SLC4A10: variants seen among roughly 807,000 people sequenced by gnomAD.
SLC4A10 encodes sodium-driven chloride bicarbonate exchanger.
SLC4A10 carries 42 observed loss-of-function variants against 137.7 expected under a neutral mutation model. That is an observed-to-expected ratio of 0.30 (90% CI 0.24 to 0.39). SLC4A10 has a LOEUF of 0.39. SLC4A10 is among the 10% of genes least tolerant of loss of function. SLC4A10 has a pLI of 1.00. For synonymous variants in SLC4A10, 474 were observed against 464.1 expected, an observed-to-expected ratio of 1.02 and a Z score of -0.27; for missense variants, 925 against 1,355.0, an observed-to-expected ratio of 0.68 and a Z score of 4.98.
At chr2:161,720,053 T>C (rs1014921088) in intron 1 of SLC4A10, among the ~76,000 whole-genome samples, 60 of 152,210 alleles carry the variant, frequency 3.9e-4, no homozygotes, top group African/African-American at 1.4e-3. Context: ...CTTTAATCCA[T>C]CTTGAATTAA....
intron 15 of SLC4A10, among the ~76,000 whole-genome samples, chr2:161,940,398 T>C (rs376109843): frequency 6.6e-6 from 1 of 152,124 alleles, no homozygotes; most frequent in African/African-American, 2.4e-5. Context: ...ACTGGTAGGG[T>C]GGAGGTTCAA....
chr2:161,953,096 G>A (rs1411391321), intron 19 of SLC4A10, among the ~76,000 whole-genome samples: 4 of 152,186 alleles, frequency 2.6e-5, no homozygotes, highest in African/African-American at 4.8e-5. Context: ...AGCATTCCCC[G>A]AAATTGTTTA....
Position 161,734,764 on chromosome 2 carries a change from G to A in SLC4A10, c.49-36209G>A, listed in dbSNP as rs144311433. On this transcript the variant is annotated intron_variant, in intron 1 of 26. Coordinates refer to ENST00000446997, the MANE Select transcript of SLC4A10 (RefSeq NM_001178015.2). Reference sequence around the variant, plus strand: ...ATATATATTTTTTTTCTGATATTTGGTAGTTTTAATTACATATTGATATTG... The same window carrying A: ...ATATATATTTTTTTTCTGATATTTGATAGTTTTAATTACATATTGATATTG... Among the ~76,000 whole-genome samples the A allele has an allele frequency of 1.1e-4, 17 of 151,508 alleles. No homozygotes were observed. The East Asian group carries it at 3.3e-3, about 29-fold the overall frequency.
chr2:161,822,074 A>G (rs1399288624), intron 3 of SLC4A10, among the ~76,000 whole-genome samples: 1 of 152,192 alleles, frequency 6.6e-6, no homozygotes, highest in Admixed American at 6.5e-5. Flanking sequence ...CTTATTCATA[A>G]CTGTGAGGGT....
intron 5 of SLC4A10, 131 bp from the exon 6 acceptor site, chr2:161,862,743 T>G: frequency 1.5e-6 from 1 of 661,680 alleles, no homozygotes; most frequent in Non-Finnish European, 2.2e-6. Context: ...TAGAGATTTT[T>G]TAAAGAAGTT....
chr2:161,805,277 A>G (rs1365556147), intron 3 of SLC4A10, among the ~76,000 whole-genome samples: 1 of 152,140 alleles, frequency 6.6e-6, no homozygotes, highest in Non-Finnish European at 1.5e-5. Flanking sequence ...CCCACAACAC[A>G]TGGAAAATTC....
chr2:161,681,211 G>A (rs1312282078), intron 1 of SLC4A10, among the ~76,000 whole-genome samples: 2 of 152,074 alleles, frequency 1.3e-5, no homozygotes, highest in African/African-American at 4.8e-5. Flanking sequence ...TTTCCCTGCA[G>A]TTGGCTGCCA....
intron 20 of SLC4A10, among the ~76,000 whole-genome samples, chr2:161,958,276 G>A (rs963314962): frequency 6.6e-6 from 1 of 151,920 alleles, no homozygotes; most frequent in African/African-American, 2.4e-5. Flanking sequence ...TTTAGATATT[G>A]GGAAACTAAG....
chr2:161,855,914 G>A (rs2060072951), intron 5 of SLC4A10, among the ~76,000 whole-genome samples: 1 of 152,054 alleles, frequency 6.6e-6, no homozygotes, highest in Admixed American at 6.6e-5. Context: ...CATATGATTT[G>A]TATTTGTGAA....
intron 11 of SLC4A10, 123 bp from the exon 12 acceptor site, chr2:161,900,786 TAC>T: frequency 4.7e-6 from 3 of 644,634 alleles, no homozygotes; most frequent in Non-Finnish European, 8.0e-6. Context: ...AACAAGTAAG[TAC>T]AGAGCCTGGG....
chr2:161,873,258 T>A (rs1386471429), intron 7 of SLC4A10, among the ~76,000 whole-genome samples: 1 of 152,194 alleles, frequency 6.6e-6, no homozygotes, highest in African/African-American at 2.4e-5. Context: ...AATCATTAAC[T>A]TGAATGTATT....
rs2059073999 is a variant in SLC4A10 at position 161,839,879 on chromosome 2, A to C, written c.368A>C (p.Glu123Ala). The change falls in exon 4 of 27, where the codon GAG becomes GCG. Residue 123 changes from glutamate (E) to alanine (A), a missense_variant. Coordinates refer to ENST00000446997, the MANE Select transcript of SLC4A10 (RefSeq NM_001178015.2). ...IPHDLFTELD[E>A]ICWREGEDAE... ...CATGACCTTTTCACAGAACTGGATG[A>C]GATTTGTTGGCGTGAAGGTGAGGAC... 1 of 1,613,822 alleles carries C rather than the reference A, an allele frequency of 6.2e-7. No homozygotes were observed.
chr2:161,790,490 C>G (rs1319614386), intron 2 of SLC4A10, among the ~76,000 whole-genome samples: 1 of 152,054 alleles, frequency 6.6e-6, no homozygotes, highest in East Asian at 1.9e-4. Flanking sequence ...ACTGGTGGAG[C>G]AATTCTAAGG....
At chr2:161,749,595 C>A (rs1255823006) in intron 1 of SLC4A10, among the ~76,000 whole-genome samples, 1 of 151,778 alleles carries the variant, frequency 6.6e-6, no homozygotes, top group African/African-American at 2.4e-5. Flanking sequence ...CTTGCATCCC[C>A]AGGATAAATC....
At chr2:161,952,315 A>G (rs1694947619) in intron 19 of SLC4A10, among the ~76,000 whole-genome samples, 1 of 152,150 alleles carries the variant, frequency 6.6e-6, no homozygotes, top group Admixed American at 6.6e-5. Flanking sequence ...CTTGTTCTTC[A>G]TGAGCCCTTG....
At chr2:161,802,152 A>T (rs2055436247) in intron 2 of SLC4A10, among the ~76,000 whole-genome samples, 2 of 152,090 alleles carry the variant, frequency 1.3e-5, no homozygotes, top group African/African-American at 4.8e-5. Context: ...TCCATACAGG[A>T]CAAAAACCTG....
At chr2:161,777,753 G>T in intron 2 of SLC4A10, among the ~76,000 whole-genome samples, 1 of 151,974 alleles carries the variant, frequency 6.6e-6, no homozygotes, top group South Asian at 2.1e-4. Flanking sequence ...TCTTCCACTG[G>T]GTTCCTTTCA....
chr2:161,941,515 G>A (rs77596461), intron 15 of SLC4A10, among the ~76,000 whole-genome samples: 1,999 of 152,224 alleles, frequency 0.013, 39 homozygotes, highest in East Asian at 0.098. Context: ...GGTGGAAAAA[G>A]CATTTAAATA....
chr2:161,750,958 A>G (rs971819973), intron 1 of SLC4A10, among the ~76,000 whole-genome samples: 1 of 151,708 alleles, frequency 6.6e-6, no homozygotes, highest in Non-Finnish European at 1.5e-5. Context: ...TTTTATTATT[A>G]TGATACAACT....
Sources: allele counts gnomAD v4.1 joint callset (sites outside exome capture counted in the v4.1 genomes callset), GRCh38; gene constraint gnomAD v4.1.1; transcripts MANE v1.5; gene names NCBI Gene and HGNC (gene_info 2026-07-23, HGNC 2026-07-21).